ADAM23: variants seen among roughly 807,000 people sequenced by gnomAD.
The protein encoded by ADAM23 is ADAM metallopeptidase domain 23, also known as disintegrin and metalloproteinase domain-containing protein 23.
ADAM23 carries 33 observed loss-of-function variants against 120.1 expected under a neutral mutation model. That is an observed-to-expected ratio of 0.27 (90% CI 0.21 to 0.37). The LOEUF is 0.37. Ranked by LOEUF, ADAM23 falls within the 10% of genes least tolerant of loss-of-function variation. ADAM23 has a pLI of 1.00. For missense variants in ADAM23, 862 were observed against 1,058.2 expected, an observed-to-expected ratio of 0.81 and a Z score of 2.57; for synonymous variants, 367 against 375.2, an observed-to-expected ratio of 0.98 and a Z score of 0.25.
chr2:206,445,236 T>G (rs1328420299), intron 1 of ADAM23, 71 bp from the exon 2 acceptor site: 52 of 1,116,608 alleles, frequency 4.7e-5, no homozygotes, highest in Non-Finnish European at 1.1e-5. Flanking sequence ...GCTTATGTAT[T>G]TATGGGGTAA....
intron 6 of ADAM23, among the ~76,000 whole-genome samples, chr2:206,543,684 G>C (rs193224373): frequency 6.6e-6 from 1 of 151,988 alleles, no homozygotes; most frequent in Non-Finnish European, 1.5e-5. Context: ...AGCACAATTT[G>C]CAATTGCAGA....
At chr2:206,456,419 A>G (rs1188449119) in intron 2 of ADAM23, among the ~76,000 whole-genome samples, 3 of 152,278 alleles carry the variant, frequency 2.0e-5, no homozygotes, top group East Asian at 1.9e-4. Context: ...GCGTAGGGAC[A>G]TAGAGCCAAA....
chr2:206,448,000 C>CGA (rs1263703213), intron 2 of ADAM23, among the ~76,000 whole-genome samples: 1 of 152,156 alleles, frequency 6.6e-6, no homozygotes, highest in Non-Finnish European at 1.5e-5. Flanking sequence ...TTAACTCTTC[C>CGA]AGAATTGGTG....
intron 13 of ADAM23, 112 bp downstream of exon 13, chr2:206,562,405 A>G (rs1697786117): frequency 2.8e-6 from 2 of 720,658 alleles, no homozygotes; most frequent in Non-Finnish European, 4.5e-6. Flanking sequence ...TAATTGTAGT[A>G]TATCTCCTTC....
At position 206,483,046 on chromosome 2, in the gene ADAM23, C is replaced by T. The variant is rs755313018; in HGVS notation, c.509+1738C>T. Among the ~76,000 whole-genome samples, 5 of 152,116 alleles carry T rather than the reference C, an allele frequency of 3.3e-5. No homozygotes were observed. In the East Asian group the frequency reaches 5.8e-4, roughly 18 times the overall value. On this transcript the variant is annotated intron_variant, in intron 3 of 25. Transcript: ENST00000264377. The stretch of plus-strand genomic sequence containing the variant: ...AGCTCATGGAAGTTCTGGTATTTCA[C>T]GTGTCAGTGCTGGGCCATTATCCCC...
In ADAM23 at chr2:206,617,847, G is replaced by A; in HGVS notation, c.*220G>A. 1.1e-6 allele frequency: 1 copy of A among 933,704 alleles called. No individual in the cohort carries two copies. 57.8% of individuals were successfully genotyped at this position (933,704 alleles called of 1,614,324 possible). ...CACCACCTGTCAGTAAACGGGGGAG[G>A]GGGCAAAAGACCATGCTATAAAAAG... On this transcript the variant is annotated 3_prime_UTR_variant, in exon 26 of 26. Transcript: ENST00000264377.
At chr2:206,496,462 A>C (rs1355218574) in intron 3 of ADAM23, among the ~76,000 whole-genome samples, 1 of 152,226 alleles carries the variant, frequency 6.6e-6, no homozygotes, top group Non-Finnish European at 1.5e-5. Context: ...ACGAGAACAA[A>C]GACACAAAAA....
intron 9 of ADAM23, among the ~76,000 whole-genome samples, chr2:206,554,848 T>C (rs981423710): frequency 6.6e-6 from 1 of 152,212 alleles, no homozygotes; most frequent in Non-Finnish European, 1.5e-5. Flanking sequence ...TTAACAAATC[T>C]AGTGGTCATT....
At position 206,477,897 on chromosome 2, in the gene ADAM23, A is replaced by AATATATATATATAT. The variant is rs71034457; in HGVS notation, c.433-3323_433-3310dup. ...TATTCTGTTAAAAAAAAAAAAAAAA[A>AATATATATATATAT]ATATATATATATATATATATATATA... On this transcript the variant is annotated intron_variant, in intron 2 of 25. Coordinates refer to ENST00000264377, the MANE Select transcript of ADAM23 (RefSeq NM_003812.4). 1.8e-3 allele frequency among the ~76,000 whole-genome samples: 167 copies of AATATATATATATAT among 93,544 alleles called. 3 individuals carry two copies. Among genetic ancestry groups the AATATATATATATAT allele is most frequent in the Admixed American group, 0.018 (141 of 7,938 alleles). 61.4% of individuals were successfully genotyped at this position (93,544 alleles called of 152,430 possible).
intron 2 of ADAM23, among the ~76,000 whole-genome samples, chr2:206,479,105 C>T (rs1033413407): frequency 1.3e-5 from 2 of 152,174 alleles, no homozygotes; most frequent in African/African-American, 2.4e-5. Context: ...AAAAGGAAAA[C>T]CCAGTATGAT....
chr2:206,575,700 C>T (rs1457674754), intron 18 of ADAM23, among the ~76,000 whole-genome samples: 1 of 152,166 alleles, frequency 6.6e-6, no homozygotes, highest in African/African-American at 2.4e-5. Flanking sequence ...CCAGTTCAGG[C>T]TATAGCAACA....
chr2:206,452,092 T>A (rs1201195769), intron 2 of ADAM23, among the ~76,000 whole-genome samples: 1 of 152,172 alleles, frequency 6.6e-6, no homozygotes, highest in Admixed American at 6.5e-5. Context: ...TGGGAGTAAT[T>A]CACCTAGGGA....
chr2:206,542,219 G>T lies in ADAM23; in HGVS notation c.656+85G>T, dbSNP rs1004391173. 8 of 1,345,194 alleles carry T rather than the reference G, an allele frequency of 5.9e-6. No homozygotes were observed. The African/African-American group carries it at 1.0e-4, about 17-fold the overall frequency. The allele number at this position is 1,345,194 out of a possible 1,614,324, so 83.3% of individuals were successfully genotyped here. ...ATATATATATTTTAGTGACTCTTCCGTGCCAGTGCTGTGTTAGGGACTGCA... is the reference window on the plus strand; with the variant it reads ...ATATATATATTTTAGTGACTCTTCCTTGCCAGTGCTGTGTTAGGGACTGCA... On this transcript the variant is annotated intron_variant, in intron 5 of 25. Transcript: ENST00000264377.
chr2:206,617,781 G>C lies in ADAM23; in HGVS notation c.*154G>C. 7.0e-7 allele frequency: 1 copy of C among 1,429,604 alleles called. No homozygotes were observed. The highest frequency in any genetic ancestry group is 2.5e-5 in the Admixed American group (1 of 40,658). 88.6% of individuals were successfully genotyped at this position (1,429,604 alleles called of 1,614,324 possible). Reference sequence around the variant, plus strand: ...TTGGGGTGACAAGGATGGGGTAAAAGAAAACTGTCTCTTTTGGAAATAATG... The same window carrying C: ...TTGGGGTGACAAGGATGGGGTAAAACAAAACTGTCTCTTTTGGAAATAATG... On this transcript the variant is annotated 3_prime_UTR_variant, in exon 26 of 26. Coordinates refer to ENST00000264377, the MANE Select transcript of ADAM23 (RefSeq NM_003812.4).
chr2:206,478,198 G>C (rs1695823569), intron 2 of ADAM23, among the ~76,000 whole-genome samples: 2 of 151,800 alleles, frequency 1.3e-5, no homozygotes, highest in Admixed American at 1.3e-4. Context: ...GCAATGGAAA[G>C]AGAAACAGAA....
intron 24 of ADAM23, among the ~76,000 whole-genome samples, chr2:206,603,987 C>T (rs115052858): frequency 0.051 from 7,692 of 151,422 alleles, 289 homozygotes; most frequent in Middle Eastern, 0.12. Context: ...AAGTTATGAC[C>T]AGGCACGGTG....
chr2:206,538,670 C>T (rs1697230504), intron 4 of ADAM23, among the ~76,000 whole-genome samples: 1 of 152,186 alleles, frequency 6.6e-6, no homozygotes, highest in African/African-American at 2.4e-5. Context: ...AATAATTAGA[C>T]ACAAAGTTGG....
At chr2:206,522,146 CAT>C (rs955832845) in intron 3 of ADAM23, among the ~76,000 whole-genome samples, 26 of 150,836 alleles carry the variant, frequency 1.7e-4, no homozygotes, top group African/African-American at 2.2e-4. Flanking sequence ...TATGTATATT[CAT>C]ATATATATAT....
Position 206,474,607 on chromosome 2 carries a change from A to G in ADAM23, c.433-6625A>G, listed in dbSNP as rs899089186. On this transcript the variant is annotated intron_variant, in intron 2 of 25. Transcript: ENST00000264377. ...GCTATTTTCTTTGAGAATGGGTCTC[A>G]TTCTGTCACCCAGACTGAGTGCAGT... is the stretch of plus-strand genomic sequence containing the variant. Among the ~76,000 whole-genome samples, 20 of 152,212 alleles carry G rather than the reference A, an allele frequency of 1.3e-4. No individual in the cohort carries two copies. The East Asian group carries it at 3.5e-3, about 26-fold the overall frequency.
Sources: gnomAD v4.1 joint callset for allele counts (sites outside exome capture counted in the v4.1 genomes callset) on GRCh38, gnomAD v4.1.1 for gene constraint, MANE v1.5 for transcripts, NCBI Gene and HGNC (gene_info 2026-07-23, HGNC 2026-07-21) for gene names.